Variants in FHIT observed in about 807,000 individuals in gnomAD.
FHIT encodes bis(5'-adenosyl)-triphosphatase.
FHIT carries 19 observed loss-of-function variants against 17.9 expected under a neutral mutation model. The ratio of observed to expected loss-of-function variants is 1.06; its 90% confidence interval spans 0.74 to 1.56. The LOEUF (loss-of-function observed/expected upper bound fraction) is 1.56. Ranked by LOEUF, FHIT falls within the 40% of genes most tolerant of loss-of-function variation. FHIT has a pLI of 0.00. For synonymous variants in FHIT, 81 were observed against 69.7 expected (o/e 1.16, Z -0.81); for missense variants, 248 against 189.2 (o/e 1.31, Z -1.82).
At chr3:60,396,536 CA>C (rs1034034423) in intron 5 of FHIT, among the ~76,000 whole-genome samples, 1 of 151,400 alleles carries the variant, frequency 6.6e-6, no homozygotes, top group African/African-American at 2.4e-5. Context: ...TGAAAGAAAC[CA>C]GACACAAAAA....
At chr3:60,589,109 C>T (rs527478330) in intron 4 of FHIT, among the ~76,000 whole-genome samples, 11 of 152,074 alleles carry the variant, frequency 7.2e-5, no homozygotes, top group Admixed American at 7.2e-4. Flanking sequence ...AACAAGACCA[C>T]CTTCCTTGGT....
intron 5 of FHIT, among the ~76,000 whole-genome samples, chr3:60,450,842 T>G (rs946449388): frequency 6.6e-6 from 1 of 152,156 alleles, no homozygotes; most frequent in Admixed American, 6.6e-5. Flanking sequence ...TATACCAATT[T>G]AAGAATTAGG....
chr3:59,960,668 G>A (rs185662143), intron 7 of FHIT, among the ~76,000 whole-genome samples: 73 of 152,298 alleles, frequency 4.8e-4, no homozygotes, highest in Non-Finnish European at 4.9e-4. Context: ...AAACATTCTC[G>A]TCAATCACTA....
intron 4 of FHIT, among the ~76,000 whole-genome samples, chr3:60,560,692 T>A (rs578028098): frequency 6.6e-6 from 1 of 151,926 alleles, no homozygotes; most frequent in Non-Finnish European, 1.5e-5. Context: ...CACAAGCAGG[T>A]ACCACAGAAA....
chr3:60,032,360 G>C (rs1348758630), intron 5 of FHIT, among the ~76,000 whole-genome samples: 1 of 152,062 alleles, frequency 6.6e-6, no homozygotes, highest in African/African-American at 2.4e-5. Context: ...ACTGAGATGG[G>C]AGGACTGCTT....
intron 5 of FHIT, among the ~76,000 whole-genome samples, chr3:60,376,587 C>T (rs1481734823): frequency 6.6e-6 from 1 of 152,110 alleles, no homozygotes; most frequent in Admixed American, 6.5e-5. Context: ...CACTTCTCTG[C>T]AAAAGAAAAA....
chr3:61,030,629 C>A (rs563948100), intron 3 of FHIT, among the ~76,000 whole-genome samples: 1 of 152,204 alleles, frequency 6.6e-6, no homozygotes, highest in East Asian at 1.9e-4. Flanking sequence ...AAAGCAGATA[C>A]AATAAACATA....
At chr3:60,764,403 G>C (rs1199304925) in intron 4 of FHIT, among the ~76,000 whole-genome samples, 1 of 152,170 alleles carries the variant, frequency 6.6e-6, no homozygotes, top group Non-Finnish European at 1.5e-5. Context: ...GATTTCCTCA[G>C]CTGTAGGTGG....
At chr3:60,375,134 A>C (rs1700499450) in intron 5 of FHIT, among the ~76,000 whole-genome samples, 1 of 152,088 alleles carries the variant, frequency 6.6e-6, no homozygotes, top group Non-Finnish European at 1.5e-5. Flanking sequence ...AAAAAACAAA[A>C]AAAACACTTT....
intron 7 of FHIT, among the ~76,000 whole-genome samples, chr3:59,963,615 C>T (rs115274683): frequency 0.013 from 1,905 of 152,244 alleles, 43 homozygotes; most frequent in African/African-American, 0.043. Context: ...CAGGAACTTT[C>T]ATACTTATGA....
intron 7 of FHIT, among the ~76,000 whole-genome samples, chr3:59,938,128 T>C (rs1706332810): frequency 6.6e-6 from 1 of 152,184 alleles, no homozygotes; most frequent in South Asian, 2.1e-4. Context: ...TTATCTATAG[T>C]AGTGAAGATA....
At chr3:60,645,750 A>G (rs1219170809) in intron 4 of FHIT, among the ~76,000 whole-genome samples, 2 of 152,110 alleles carry the variant, frequency 1.3e-5, no homozygotes, top group Admixed American at 6.6e-5. Flanking sequence ...TGTACGTCAT[A>G]TTTTACTATA....
chr3:61,091,237 A>G (rs866547846), intron 2 of FHIT, among the ~76,000 whole-genome samples: 5 of 152,218 alleles, frequency 3.3e-5, no homozygotes, highest in African/African-American at 1.2e-4. Flanking sequence ...TAGACCTAAC[A>G]TGAATGTATG....
intron 4 of FHIT, among the ~76,000 whole-genome samples, chr3:60,752,872 A>G (rs2042497257): frequency 6.6e-6 from 1 of 152,320 alleles, no homozygotes; most frequent in African/African-American, 2.4e-5. Flanking sequence ...AAAAAAATAC[A>G]AACTGTATTA....
intron 8 of FHIT, among the ~76,000 whole-genome samples, chr3:59,876,227 T>C (rs1343390250): frequency 8.5e-5 from 13 of 152,052 alleles, no homozygotes; most frequent in African/African-American, 3.1e-4. Context: ...AAAAAACATA[T>C]ATAAATATAT....
At chr3:60,803,618 G>A (rs947979673) in intron 4 of FHIT, among the ~76,000 whole-genome samples, 25 of 152,130 alleles carry the variant, frequency 1.6e-4, no homozygotes, top group Non-Finnish European at 2.8e-4. Context: ...GGAGAAAGAG[G>A]GGCAGCTTTT....
intron 5 of FHIT, among the ~76,000 whole-genome samples, chr3:60,069,240 T>C (rs146064513): frequency 0.013 from 1,950 of 151,884 alleles, 26 homozygotes; most frequent in Non-Finnish European, 0.019. Context: ...TCATATTTTA[T>C]ATATTGTAAT....
chr3:60,258,414 A>T (rs957972039), intron 5 of FHIT, among the ~76,000 whole-genome samples: 5 of 152,152 alleles, frequency 3.3e-5, no homozygotes, highest in African/African-American at 1.2e-4. Flanking sequence ...TTCTACCATA[A>T]TTAATGCTCT....
intron 1 of FHIT, among the ~76,000 whole-genome samples, chr3:61,221,952 C>T (rs368285886): frequency 1.1e-4 from 16 of 152,320 alleles, no homozygotes; most frequent in African/African-American, 3.8e-4. Context: ...TGCTCCTACC[C>T]TGAGCCAAGG....
Sources: gnomAD v4.1 joint callset for allele counts (sites outside exome capture counted in the v4.1 genomes callset) on GRCh38, gnomAD v4.1.1 for gene constraint, MANE v1.5 for transcripts, NCBI Gene and HGNC (gene_info 2026-07-23, HGNC 2026-07-21) for gene names.